Variants in NLGN1 observed in about 807,000 individuals in gnomAD.
NLGN1 encodes the protein neuroligin-1.
A neutral mutation model predicts 65.5 loss-of-function variants in NLGN1; 12 were observed. The ratio of observed to expected loss-of-function variants is 0.18; its 90% CI spans 0.12 to 0.30. The LOEUF (loss-of-function observed/expected upper bound fraction) is 0.30, where lower values mean the gene tolerates loss of function less well. NLGN1 is among the 10% of genes least tolerant of loss of function. NLGN1 has a pLI of 1.00. For missense variants in NLGN1, 750 were observed against 1,007.1 expected, an observed-to-expected ratio of 0.74 and a Z score of 3.46; for synonymous variants, 350 against 359.5, an observed-to-expected ratio of 0.97 and a Z score of 0.30.
chr3:173,892,002 A>C (rs1579026362), intron 4 of NLGN1, among the ~76,000 whole-genome samples: 1 of 152,224 alleles, frequency 6.6e-6, no homozygotes, highest in African/African-American at 2.4e-5. Flanking sequence ...AGCAGGAGTC[A>C]CAGGAAAAAT....
intron 4 of NLGN1, among the ~76,000 whole-genome samples, chr3:174,092,954 C>T (rs953178883): frequency 6.6e-6 from 1 of 152,076 alleles, no homozygotes; most frequent in Non-Finnish European, 1.5e-5. Context: ...GGATCTGCAC[C>T]AGGATTTTAG....
Position 174,279,485 on chromosome 3 carries a change from A to G in NLGN1, c.1484A>G (p.Asp495Gly), listed in dbSNP as rs1336558968. The change falls in exon 6 of 7, where the codon GAT becomes GGT. Residue 495 changes from aspartate to glycine, a missense_variant. Transcript: ENST00000457714. The surrounding 1 kb of genome is among the most constrained non-coding windows in gnomAD (Gnocchi z 4.7). ...GCCTTTTACCATCATTGCCAAACAG[A>G]TCAGGTTCCAGCTTGGGCTGATGCA... The G allele has an allele frequency of 1.2e-6, 2 of 1,612,994 alleles. No individual in the cohort carries two copies. Among genetic ancestry groups the G allele is most frequent in the African/African-American group, 2.7e-5 (2 of 74,820 alleles).
At chr3:173,496,748 T>C (rs1224917182) in intron 2 of NLGN1, among the ~76,000 whole-genome samples, 1 of 151,884 alleles carries the variant, frequency 6.6e-6, no homozygotes, top group East Asian at 1.9e-4. Context: ...TTAATATTAC[T>C]CACGTGTTTA....
chr3:173,884,158 T>C (rs975090855), intron 4 of NLGN1, among the ~76,000 whole-genome samples: 13 of 152,102 alleles, frequency 8.5e-5, no homozygotes, highest in Non-Finnish European at 1.5e-5. Flanking sequence ...TCTTACTAAC[T>C]TACATTGTCT....
At chr3:174,084,336 T>C (rs183590040) in intron 4 of NLGN1, among the ~76,000 whole-genome samples, 4 of 152,284 alleles carry the variant, frequency 2.6e-5, no homozygotes, top group African/African-American at 7.2e-5. Flanking sequence ...ACAATAGTTA[T>C]TGAAGAAGAA....
At chr3:173,772,179 A>G (rs547198620) in intron 3 of NLGN1, among the ~76,000 whole-genome samples, 8 of 152,226 alleles carry the variant, frequency 5.3e-5, no homozygotes, top group African/African-American at 1.7e-4. Flanking sequence ...CAAAGATTTG[A>G]CTAATTTATT....
At chr3:173,539,214 T>A (rs1737993272) in intron 2 of NLGN1, among the ~76,000 whole-genome samples, 2 of 151,792 alleles carry the variant, frequency 1.3e-5, no homozygotes, top group African/African-American at 4.8e-5. Context: ...CTAGCTCTTT[T>A]CTTCCTCTGT....
At chr3:173,679,083 G>C (rs1763574165) in intron 3 of NLGN1, among the ~76,000 whole-genome samples, 5 of 151,012 alleles carry the variant, frequency 3.3e-5, no homozygotes. Context: ...CAGTCTGTCA[G>C]TGCAAAGATT....
At chr3:173,645,319 T>C (rs1232341654) in intron 3 of NLGN1, among the ~76,000 whole-genome samples, 1 of 152,236 alleles carries the variant, frequency 6.6e-6, no homozygotes, top group Non-Finnish European at 1.5e-5. Flanking sequence ...CCCTTGGCCT[T>C]TGGGGGCCCC....
intron 4 of NLGN1, among the ~76,000 whole-genome samples, chr3:174,121,772 A>G (rs1470070347): frequency 1.3e-5 from 2 of 152,188 alleles, no homozygotes; most frequent in Non-Finnish European, 2.9e-5. Context: ...CATATATTAA[A>G]GCGTTCATCA....
rs546057670 is a variant in NLGN1, at chr3:174,162,017, G to A, written c.647-113298G>A. Among the ~76,000 whole-genome samples the A allele has an allele frequency of 5.9e-5, 9 of 151,790 alleles. No homozygotes were observed. The East Asian group carries it at 9.7e-4, about 16-fold the overall frequency. ...CCAAATCCCATCTAATATAGGAATC[G>A]TCACCATTAGCTCAACAAACAATGA... On this transcript the variant is annotated intron_variant, in intron 4 of 6. Transcript: ENST00000457714.
At chr3:173,480,454 A>T (rs13324523) in intron 2 of NLGN1, among the ~76,000 whole-genome samples, 1,603 of 152,256 alleles carry the variant, frequency 0.011, 29 homozygotes, top group African/African-American at 0.037. Flanking sequence ...GATGGTTTGC[A>T]CGTATGCACT....
intron 4 of NLGN1, among the ~76,000 whole-genome samples, chr3:174,257,236 TA>T (rs1745962013): frequency 6.6e-6 from 1 of 152,116 alleles, no homozygotes; most frequent in Non-Finnish European, 1.5e-5. Context: ...GAATGGCTAT[TA>T]TTAAAAAGTC....
chr3:173,727,071 G>T (rs3843978), intron 3 of NLGN1, among the ~76,000 whole-genome samples: 2 of 152,018 alleles, frequency 1.3e-5, no homozygotes, highest in Non-Finnish European at 2.9e-5. Flanking sequence ...ATAAGGCAGC[G>T]TCTATCAATT....
chr3:173,748,666 T>C (rs1482459694), intron 3 of NLGN1, among the ~76,000 whole-genome samples: 3 of 152,140 alleles, frequency 2.0e-5, no homozygotes, highest in South Asian at 2.1e-4. Flanking sequence ...ACATCACCTG[T>C]AAGTTACTGA....
At chr3:173,404,208 CTCTT>C (rs1326419804) in intron 1 of NLGN1, among the ~76,000 whole-genome samples, 3 of 152,086 alleles carry the variant, frequency 2.0e-5, no homozygotes, top group East Asian at 1.9e-4. Context: ...ATTGCAATAA[CTCTT>C]TCTTCAGTAT....
intron 4 of NLGN1, among the ~76,000 whole-genome samples, chr3:174,107,015 C>CAGAGAGAG (rs1349226673): frequency 0.015 from 985 of 65,314 alleles, 4 homozygotes; most frequent in Non-Finnish European, 0.023. Flanking sequence ...CACACACACA[C>CAGAGAGAG]ACAGAGAGAG....
At chr3:173,575,723 G>A (rs1445972763) in intron 2 of NLGN1, among the ~76,000 whole-genome samples, 1 of 152,106 alleles carries the variant, frequency 6.6e-6, no homozygotes, top group Non-Finnish European at 1.5e-5. Flanking sequence ...CTCAGTATCA[G>A]TATCATTAGG....
At chr3:173,682,200 T>C (rs1226006442) in intron 3 of NLGN1, among the ~76,000 whole-genome samples, 1 of 152,164 alleles carries the variant, frequency 6.6e-6, no homozygotes. Flanking sequence ...CAACACTTCA[T>C]TTAGTGACTA....
Sources: allele counts gnomAD v4.1 joint callset (sites outside exome capture counted in the v4.1 genomes callset), GRCh38; gene constraint gnomAD v4.1.1; non-coding constraint Gnocchi (gnomAD v3.1); transcripts MANE v1.5; gene names NCBI Gene and HGNC (gene_info 2026-07-23, HGNC 2026-07-21).